The following USP33 variants were observed in gnomAD, a reference collection of about 807,000 sequenced individuals.
The protein encoded by USP33 is ubiquitin specific peptidase 33, also known as ubiquitin carboxyl-terminal hydrolase 33.
USP33 carries 46 observed loss-of-function variants against 124.2 expected under a neutral mutation model. The observed-to-expected ratio is 0.37, with a 90% confidence interval of 0.29 to 0.47. The LOEUF (loss-of-function observed/expected upper bound fraction) is 0.47, where lower values mean the gene tolerates loss of function less well. Among genes scored for constraint, USP33 ranks in the 20% least tolerant of loss-of-function variants. The pLI is 0.99. For missense variants in USP33, 851 were observed against 1,070.6 expected (o/e 0.79, Z 2.86); for synonymous variants, 350 against 352.3 (o/e 0.99, Z 0.07).
chr1:77,718,943 AAAG>A lies in USP33; in HGVS notation c.1692-305_1692-303del, dbSNP rs1235991097. ...CCCTGCCTCAAAAAAAAAAAAAAAA[AAAG>A]AAAGAAAGAAAGAAAATGCAGAGAC... is the stretch of plus-strand genomic sequence containing the variant. On this transcript the variant is annotated intron_variant, in intron 15 of 23. Transcript: ENST00000370794. 4.2e-4 allele frequency among the ~76,000 whole-genome samples: 63 copies of A among 148,526 alleles called. 1 individual carries two copies. The highest frequency in any genetic ancestry group is 1.5e-3 in the African/African-American group (62 of 40,910).
At chr1:77,737,114 G>T (rs1678560499) in intron 5 of USP33, among the ~76,000 whole-genome samples, 1 of 151,296 alleles carries the variant, frequency 6.6e-6, no homozygotes, top group Admixed American at 6.6e-5. Flanking sequence ...ATCAAAATTT[G>T]AAAGTTCTCT....
At chr1:77,729,448 A>G (rs570251919) in intron 9 of USP33, among the ~76,000 whole-genome samples, 1 of 151,666 alleles carries the variant, frequency 6.6e-6, no homozygotes, top group African/African-American at 2.4e-5. Flanking sequence ...AGGAGGGTGG[A>G]TTACCTGAGG....
chr1:77,720,516 T>C (rs927751056), intron 15 of USP33: 1 of 985,348 alleles, frequency 1.0e-6, no homozygotes, highest in Non-Finnish European at 1.2e-6. Flanking sequence ...CAGATCAATG[T>C]TTCCTTTAGG....
chr1:77,725,295 G>A (rs374882359), intron 11 of USP33, among the ~76,000 whole-genome samples: 9 of 152,152 alleles, frequency 5.9e-5, no homozygotes, highest in African/African-American at 1.9e-4. Context: ...GAAATGATCT[G>A]ATTACAAAGT....
In USP33 at chr1:77,759,705, G is replaced by A; in HGVS notation, c.-114C>T. The A allele has an allele frequency of 2.5e-6, 1 of 398,828 alleles. No homozygotes were observed. Among genetic ancestry groups the A allele is most frequent in the Non-Finnish European group, 4.4e-6 (1 of 226,326 alleles). The allele number at this position is 398,828 out of a possible 1,614,324, so 24.7% of individuals were successfully genotyped here. The stretch of plus-strand genomic sequence containing the variant: ...AACAACGGCCTGCAGCCGCACCTCC[G>A]CAAGCTCCTCTTTTCCTTCTCAGCT... On this transcript the variant is annotated 5_prime_UTR_variant, in exon 1 of 24. Coordinates refer to ENST00000370794, the MANE Select transcript of USP33 (RefSeq NM_201624.3).
intron 9 of USP33, 115 bp downstream of exon 9, chr1:77,729,745 A>C: frequency 1.1e-6 from 1 of 916,944 alleles, no homozygotes; most frequent in Non-Finnish European, 1.7e-6. Flanking sequence ...TATTCTTGGC[A>C]AAAGAAAGAC....
At chr1:77,717,187 C>A (rs1230154047) in intron 17 of USP33, among the ~76,000 whole-genome samples, 1 of 150,122 alleles carries the variant, frequency 6.7e-6, no homozygotes, top group East Asian at 2.1e-4. Context: ...CTTAAAAAAT[C>A]CAGTATAAAA....
At chr1:77,698,560 G>A (rs1673661972) in intron 22 of USP33, among the ~76,000 whole-genome samples, 1 of 150,126 alleles carries the variant, frequency 6.7e-6, no homozygotes, top group Non-Finnish European at 1.5e-5. Context: ...GAGTGCAGTG[G>A]CATCATCTCG....
chr1:77,751,479 CCT>C (rs1283566217), intron 1 of USP33, among the ~76,000 whole-genome samples: 1 of 151,974 alleles, frequency 6.6e-6, no homozygotes, highest in African/African-American at 2.4e-5. Flanking sequence ...ACGGCAATAC[CCT>C]GTCTCTACCC....
chr1:77,734,470 A>T, intron 6 of USP33, 54 bp from the exon 7 acceptor site: 1 of 1,098,838 alleles, frequency 9.1e-7, no homozygotes, highest in Non-Finnish European at 1.3e-6. Context: ...AAATGACTCA[A>T]TTTTAGGGGT....
At chr1:77,744,599 T>TATATAA (rs1386468578) in intron 1 of USP33, among the ~76,000 whole-genome samples, 2 of 152,148 alleles carry the variant, frequency 1.3e-5, no homozygotes, top group Non-Finnish European at 2.9e-5. Context: ...ATCCCAGCAC[T>TATATAA]TCGGGAGGCC....
chr1:77,717,536 A>C (rs1163281541), intron 17 of USP33: 1 of 154,872 alleles, frequency 6.5e-6, no homozygotes, highest in Non-Finnish European at 1.4e-5. Context: ...ACTGTATACA[A>C]TTTTCAATAT....
intron 11 of USP33, among the ~76,000 whole-genome samples, chr1:77,725,136 G>C (rs1482798320): frequency 6.6e-6 from 1 of 152,106 alleles, no homozygotes; most frequent in African/African-American, 2.4e-5. Flanking sequence ...GCATTATCCT[G>C]AGAGGCAAAC....
At chr1:77,751,910 G>A (rs1680373942) in intron 1 of USP33, among the ~76,000 whole-genome samples, 1 of 151,872 alleles carries the variant, frequency 6.6e-6, no homozygotes, top group Non-Finnish European at 1.5e-5. Context: ...GGATGGTCTC[G>A]ATCTCTTGAC....
chr1:77,712,163 T>A (rs535599668), intron 20 of USP33, among the ~76,000 whole-genome samples: 15 of 152,318 alleles, frequency 9.8e-5, no homozygotes, highest in Admixed American at 7.8e-4. Context: ...TAGTTACACA[T>A]CACAGTCATA....
intron 21 of USP33, among the ~76,000 whole-genome samples, chr1:77,709,398 C>G (rs1045920088): frequency 9.2e-5 from 14 of 151,958 alleles, no homozygotes; most frequent in Non-Finnish European, 1.9e-4. Context: ...ATCTGTAGTC[C>G]TAGCTACTCG....
At chr1:77,698,496 TTTTG>T (rs1475179026) in intron 22 of USP33, among the ~76,000 whole-genome samples, 1 of 149,600 alleles carries the variant, frequency 6.7e-6, no homozygotes, top group East Asian at 2.0e-4. Flanking sequence ...AACAGAAATG[TTTTG>T]TTTTTTTTTT....
At chr1:77,715,897 A>G (rs371442858) in intron 17 of USP33, 29 bp from the exon 18 acceptor site, 12 of 1,601,328 alleles carry the variant, frequency 7.5e-6, no homozygotes, top group Non-Finnish European at 8.5e-6. Context: ...AAATCATTAC[A>G]GTAATACAAA....
intron 21 of USP33, among the ~76,000 whole-genome samples, chr1:77,707,694 T>TA (rs1457234384): frequency 6.6e-6 from 1 of 152,130 alleles, no homozygotes; most frequent in Admixed American, 6.5e-5. Flanking sequence ...TTTTATGAGG[T>TA]AAATACATTC....
Sources: gnomAD v4.1 joint callset for allele counts (sites outside exome capture counted in the v4.1 genomes callset) on GRCh38, gnomAD v4.1.1 for gene constraint, MANE v1.5 for transcripts, NCBI Gene and HGNC (gene_info 2026-07-23, HGNC 2026-07-21) for gene names.